The following GABRG3 variants were observed in gnomAD, a reference collection of about 807,000 sequenced individuals.
GABRG3 encodes gamma-aminobutyric acid receptor subunit gamma-3.
Under a neutral mutation model 48.8 loss-of-function variants are expected in GABRG3, and 25 were observed. That is an observed-to-expected ratio of 0.51 (90% CI 0.37 to 0.72). The LOEUF (loss-of-function observed/expected upper bound fraction) is 0.72, where lower values mean the gene tolerates loss of function less well. Ranked by LOEUF, GABRG3 falls within the 30% of genes least tolerant of loss-of-function variation. The pLI is 0.00. For missense variants in GABRG3, 394 were observed against 577.9 expected (o/e 0.68, Z 3.26); for synonymous variants, 227 against 217.6 (o/e 1.04, Z -0.38).
chr15:27,335,866 A>G (rs1893946546), intron 5 of GABRG3, among the ~76,000 whole-genome samples: 1 of 152,198 alleles, frequency 6.6e-6, no homozygotes, highest in Non-Finnish European at 1.5e-5. Context: ...TAAAAACTGA[A>G]CAACAACAAA....
chr15:27,200,681 T>C (rs1888653209), intron 3 of GABRG3, among the ~76,000 whole-genome samples: 1 of 152,140 alleles, frequency 6.6e-6, no homozygotes. Context: ...CGGATTTCTA[T>C]GGTACCTACT....
chr15:27,428,657 G>T (rs565247108), intron 5 of GABRG3, among the ~76,000 whole-genome samples: 1 of 152,152 alleles, frequency 6.6e-6, no homozygotes, highest in Non-Finnish European at 1.5e-5. Flanking sequence ...AGTTTAACCT[G>T]ATATTTTCTA....
rs1368313559 is a variant in GABRG3, at chr15:26,977,027, T to C, written c.79T>C (p.Tyr27His). ...GTCCAGAAAGGTGGAAGAGGATGAATATGAAGATTCATCATCAAACCAAAA... is the reference window on the plus strand; with the variant it reads ...GTCCAGAAAGGTGGAAGAGGATGAACATGAAGATTCATCATCAAACCAAAA... ...ARSRKVEEDE[Y>H]EDSSSNQKWV... The change falls in exon 2 of 10, where the codon TAT becomes CAT. Residue 27 changes from tyrosine (Y) to histidine (H), a missense_variant. Tyr to His is a moderately conservative substitution (Grantham distance 83). Around this residue, in one of 3 missense-constraint regions of GABRG3, gnomAD observed 218 missense variants for 309.9 expected, o/e 0.70. Transcript: ENST00000615808. 1 of 1,613,896 alleles carries C rather than the reference T, an allele frequency of 6.2e-7. No homozygotes were observed. Among genetic ancestry groups the C allele is most frequent in the African/African-American group, 1.3e-5 (1 of 75,014 alleles).
rs546392896 is a variant in GABRG3 at position 27,219,722 on chromosome 15, G to C, written c.271-107087G>C. On this transcript the variant is annotated intron_variant, in intron 3 of 9. Transcript: ENST00000615808. ...GTGCCTAACGGGGAGTGCCACCAGG[G>C]ACTGGAGCATCAGTGGTTACAGAGT... 2.0e-5 allele frequency among the ~76,000 whole-genome samples: 3 copies of C among 152,352 alleles called. No individual in the cohort carries two copies. In the East Asian group the frequency reaches 5.8e-4, roughly 29 times the overall value.
intron 3 of GABRG3, among the ~76,000 whole-genome samples, chr15:27,112,677 T>G (rs1897574951): frequency 6.6e-6 from 1 of 152,118 alleles, no homozygotes; most frequent in South Asian, 2.1e-4. Context: ...TGAGCTCAAG[T>G]GATATGCCCT....
chr15:27,225,001 G>A (rs1282227409), intron 3 of GABRG3, among the ~76,000 whole-genome samples: 2 of 152,034 alleles, frequency 1.3e-5, no homozygotes, highest in Non-Finnish European at 2.9e-5. Context: ...GGTGAGGAGA[G>A]TCTTCACCCT....
At chr15:27,237,589 G>GACC (rs1170577112) in intron 3 of GABRG3, among the ~76,000 whole-genome samples, 1 of 152,210 alleles carries the variant, frequency 6.6e-6, no homozygotes, top group Non-Finnish European at 1.5e-5. Flanking sequence ...TAGGAAAGGT[G>GACC]ACCACGGCTA....
At chr15:27,096,228 A>G (rs57727626) in intron 3 of GABRG3, among the ~76,000 whole-genome samples, 75,180 of 152,048 alleles carry the variant, frequency 0.49, 19,510 homozygotes, top group African/African-American at 0.66. Context: ...ATTGAGCACA[A>G]CTGTGTAGGG....
In GABRG3 at chr15:27,536,972, G is replaced by C. The variant is rs1171924968; in HGVS notation, c.*4091G>C. ...TTTGAGACTTGAAGAATTACACCTGGTCTCCAACCATTATTCTTATCACCG... is the reference window on the plus strand; with the variant it reads ...TTTGAGACTTGAAGAATTACACCTGCTCTCCAACCATTATTCTTATCACCG... On this transcript the variant is annotated 3_prime_UTR_variant, in exon 10 of 10. Coordinates refer to ENST00000615808, the MANE Select transcript of GABRG3 (RefSeq NM_033223.5). 6.6e-6 allele frequency: 1 copy of C among 151,934 alleles called. No homozygotes were observed. Among genetic ancestry groups the C allele is most frequent in the South Asian group, 2.1e-4 (1 of 4,818 alleles). The allele number at this position is 151,934 out of a possible 1,614,324, so 9.4% of individuals were successfully genotyped here.
At chr15:27,357,691 T>C (rs1356930676) in intron 5 of GABRG3, among the ~76,000 whole-genome samples, 1 of 152,252 alleles carries the variant, frequency 6.6e-6, no homozygotes, top group East Asian at 1.9e-4. Context: ...TGCTTCCGCA[T>C]TCAATCTGTT....
chr15:27,231,009 ATGTG>A (rs3068361), intron 3 of GABRG3, among the ~76,000 whole-genome samples: 20,500 of 143,388 alleles, frequency 0.14, 1,782 homozygotes, highest in African/African-American at 0.25. Context: ...AAACAGTAAA[ATGTG>A]TGTGTGTGTG....
chr15:27,369,857 AC>A (rs1895347429), intron 5 of GABRG3, among the ~76,000 whole-genome samples: 1 of 149,140 alleles, frequency 6.7e-6, no homozygotes, highest in Non-Finnish European at 1.5e-5. Flanking sequence ...ACTAAGAAAA[AC>A]CTTTCAGATG....
chr15:27,475,235 G>A (rs1268331076), intron 5 of GABRG3, among the ~76,000 whole-genome samples: 1 of 152,080 alleles, frequency 6.6e-6, no homozygotes, highest in Non-Finnish European at 1.5e-5. Context: ...GGACACTAGA[G>A]TCATACATCC....
At chr15:27,195,986 G>A (rs1888485295) in intron 3 of GABRG3, among the ~76,000 whole-genome samples, 1 of 152,206 alleles carries the variant, frequency 6.6e-6, no homozygotes, top group South Asian at 2.1e-4. Context: ...CTGAAGATTT[G>A]GGATATTATG....
rs1481862799 is a variant in GABRG3, at chr15:26,971,335, G to C, written c.-201G>C. ...TGCGCGGGTGGGGGCGGCGCGCCGCGGTGGCCCGGCGTCCCGTGTGCGTCC... is the reference window on the plus strand; with the variant it reads ...TGCGCGGGTGGGGGCGGCGCGCCGCCGTGGCCCGGCGTCCCGTGTGCGTCC... On this transcript the variant is annotated 5_prime_UTR_variant, in exon 1 of 10. Coordinates refer to ENST00000615808, the MANE Select transcript of GABRG3 (RefSeq NM_033223.5). The C allele has an allele frequency of 1.6e-5, 5 of 319,882 alleles. No homozygotes were observed. In the East Asian group the frequency reaches 2.4e-4, roughly 16 times the overall value. 19.8% of individuals were successfully genotyped at this position (319,882 alleles called of 1,614,324 possible). A position where few individuals can be genotyped will look rare whatever the true frequency, so the allele number is the denominator to read the frequency against.
chr15:27,374,496 TC>T (rs2140558810), intron 5 of GABRG3, among the ~76,000 whole-genome samples: 1 of 152,328 alleles, frequency 6.6e-6, no homozygotes, highest in African/African-American at 2.4e-5. Flanking sequence ...TTGCCTGTTT[TC>T]AAGTTTGTTC....
intron 3 of GABRG3, among the ~76,000 whole-genome samples, chr15:27,151,443 T>C (rs1898313706): frequency 6.6e-6 from 1 of 151,872 alleles, no homozygotes; most frequent in Non-Finnish European, 1.5e-5. Context: ...TTATTGCGAG[T>C]AGTATTCCGT....
intron 3 of GABRG3, among the ~76,000 whole-genome samples, chr15:27,191,101 A>G (rs1272288008): frequency 6.6e-6 from 1 of 152,086 alleles, no homozygotes; most frequent in African/African-American, 2.4e-5. Flanking sequence ...TAGTTTTGTT[A>G]TAATTTCTGT....
At chr15:27,490,415 C>G (rs1267316754) in intron 6 of GABRG3, among the ~76,000 whole-genome samples, 2 of 152,126 alleles carry the variant, frequency 1.3e-5, no homozygotes, top group Non-Finnish European at 2.9e-5. Context: ...GAGTCAGGAG[C>G]TTACATAGGT....
Sources: allele counts gnomAD v4.1 joint callset (sites outside exome capture counted in the v4.1 genomes callset), GRCh38; gene constraint gnomAD v4.1.1; regional missense constraint gnomAD v4.1.1; transcripts MANE v1.5; gene names NCBI Gene and HGNC (gene_info 2026-07-23, HGNC 2026-07-21).